TAOK1: variants seen among roughly 807,000 people sequenced by gnomAD.
TAOK1 encodes TAO kinase 1.
A neutral mutation model predicts 138.3 loss-of-function variants in TAOK1; 21 were observed. That is an observed-to-expected ratio of 0.15 (90% confidence interval 0.11 to 0.22). The LOEUF (loss-of-function observed/expected upper bound fraction) is 0.22. Ranked by LOEUF, TAOK1 falls within the 10% of genes least tolerant of loss-of-function variation. The probability of loss-of-function intolerance (pLI) is 1.00; values close to 1 mark genes in which losing one functional copy is unlikely to be tolerated. For synonymous variants in TAOK1, 361 were observed against 398.4 expected, an observed-to-expected ratio of 0.91 and a Z score of 1.12; for missense variants, 651 against 1,227.7, an observed-to-expected ratio of 0.53 and a Z score of 7.02.
chr17:29,533,273 T>G (rs1194960677), intron 18 of TAOK1, among the ~76,000 whole-genome samples: 1 of 129,224 alleles, frequency 7.7e-6, no homozygotes, highest in African/African-American at 3.0e-5. Context: ...CCTCACTTCC[T>G]AGATGGGATG....
chr17:29,439,919 G>T (rs1399312384), intron 1 of TAOK1, among the ~76,000 whole-genome samples: 1 of 149,366 alleles, frequency 6.7e-6, no homozygotes, highest in Non-Finnish European at 1.5e-5. Flanking sequence ...TAATATAATA[G>T]TGGGGAGTTA....
intron 2 of TAOK1, among the ~76,000 whole-genome samples, chr17:29,466,925 T>C (rs1345872065): frequency 1.3e-5 from 2 of 152,196 alleles, no homozygotes; most frequent in Admixed American, 6.5e-5. Context: ...GTTTATTTTC[T>C]TATTTTTTTA....
chr17:29,534,928 G>GGTGT (rs71138832), intron 19 of TAOK1, among the ~76,000 whole-genome samples: 1,714 of 147,298 alleles, frequency 0.012, 27 homozygotes, highest in East Asian at 0.068. Context: ...AGGATACTAA[G>GGTGT]GTGTGTGTGT....
chr17:29,429,341 C>T (rs1289310932), intron 1 of TAOK1, among the ~76,000 whole-genome samples: 2 of 151,840 alleles, frequency 1.3e-5, no homozygotes, highest in African/African-American at 2.4e-5. Flanking sequence ...GTCCCCCACA[C>T]TGGGGGACAC....
intron 3 of TAOK1, among the ~76,000 whole-genome samples, chr17:29,469,913 A>G (rs2030773729): frequency 6.6e-6 from 1 of 152,184 alleles, no homozygotes; most frequent in Admixed American, 6.5e-5. Context: ...TGTATCTTCC[A>G]CATTTTACAC....
chr17:29,461,662 C>A (rs538743290), intron 2 of TAOK1, among the ~76,000 whole-genome samples: 1 of 152,224 alleles, frequency 6.6e-6, no homozygotes, highest in East Asian at 1.9e-4. Flanking sequence ...CACTTCTGAT[C>A]TAAAGGAAGG....
chr17:29,461,535 AG>A (rs1390505227), intron 2 of TAOK1, among the ~76,000 whole-genome samples: 1 of 152,212 alleles, frequency 6.6e-6, no homozygotes, highest in Non-Finnish European at 1.5e-5. Flanking sequence ...GTTTTTGTTC[AG>A]CTCCTAAACT....
chr17:29,451,392 C>T, intron 1 of TAOK1, 63 bp from the exon 2 acceptor site: 4 of 794,810 alleles, frequency 5.0e-6, no homozygotes, highest in African/African-American at 1.7e-5. Context: ...AGTATATGAC[C>T]TTATACTAAT....
At chr17:29,434,580 A>G (rs115787482) in intron 1 of TAOK1, among the ~76,000 whole-genome samples, 1,997 of 152,158 alleles carry the variant, frequency 0.013, 44 homozygotes, top group African/African-American at 0.045. Flanking sequence ...AGTGGCTTGC[A>G]CCCATGAAAC....
At chr17:29,419,444 C>T (rs1030506940) in intron 1 of TAOK1, among the ~76,000 whole-genome samples, 1 of 152,076 alleles carries the variant, frequency 6.6e-6, no homozygotes. Context: ...GATCCACCCG[C>T]CTCGGCCTCC....
At chr17:29,406,241 A>G (rs1904987687) in intron 1 of TAOK1, among the ~76,000 whole-genome samples, 1 of 152,148 alleles carries the variant, frequency 6.6e-6, no homozygotes, top group Admixed American at 6.6e-5. Flanking sequence ...GTATTACCAA[A>G]TGTCCCCTAG....
At position 29,542,826 on chromosome 17, in the gene TAOK1, T is replaced by A; in HGVS notation, c.2810T>A (p.Met937Lys). Reference sequence around the variant, plus strand: ...CCACCACAAGCTTGGGGCCATCCAATGCAAGGTGGACCCCAGCCATGGGGT... The same window carrying A: ...CCACCACAAGCTTGGGGCCATCCAAAGCAAGGTGGACCCCAGCCATGGGGT... ...GGPPQAWGHP[M>K]QGGPQPWGHP... The change falls in exon 20 of 20, where the codon ATG becomes AAG. Residue 937 changes from methionine (M) to lysine (K), a missense_variant. Physicochemically the swap from Met to Lys is moderately conservative, Grantham distance 95. Coordinates refer to ENST00000261716, the MANE Select transcript of TAOK1 (RefSeq NM_020791.4). 1 of 1,614,154 alleles carries A rather than the reference T, an allele frequency of 6.2e-7. No homozygotes were observed. Among genetic ancestry groups the A allele is most frequent in the East Asian group, 2.2e-5 (1 of 44,878 alleles).
chr17:29,530,974 T>TTTTTTTTTTTG (rs2032092070), intron 18 of TAOK1, among the ~76,000 whole-genome samples: 2 of 137,122 alleles, frequency 1.5e-5, no homozygotes, highest in African/African-American at 5.6e-5. Flanking sequence ...TTTTTTTTTT[T>TTTTTTTTTTTG]TTTTTGAGAC....
chr17:29,510,981 C>A lies in TAOK1; in HGVS notation c.1693C>A (p.Gln565Lys), dbSNP rs1398510704. 3 of 1,602,164 alleles carry A rather than the reference C, an allele frequency of 1.9e-6. No individual in the cohort carries two copies. Among genetic ancestry groups the A allele is most frequent in the Admixed American group, 1.7e-5 (1 of 57,320 alleles). The change falls in exon 15 of 20, where the codon CAG becomes AAG. Residue 565 changes from glutamine (Q) to lysine (K), a missense_variant. Physicochemically the swap from Gln to Lys is moderately conservative, Grantham distance 53. This residue lies in a region of TAOK1 where 258 missense variants were observed against 548.9 expected (regional missense o/e 0.47). Transcript: ENST00000261716. ...QKREYKLRKE[Q>K]LKEELNENQS... ...AAGAGAGTATAAACTTCGAAAAGAG[C>A]AGCTTAAAGAGGTACTTATGTCATA...
intron 1 of TAOK1, among the ~76,000 whole-genome samples, chr17:29,404,394 T>C (rs1904934646): frequency 6.6e-6 from 1 of 152,036 alleles, no homozygotes; most frequent in Non-Finnish European, 1.5e-5. Flanking sequence ...ATTGCTGGAC[T>C]CAAGTGATCC....
intron 15 of TAOK1, 131 bp downstream of exon 15, chr17:29,511,123 A>C: frequency 1.4e-6 from 1 of 694,372 alleles, no homozygotes; most frequent in Non-Finnish European, 2.2e-6. Context: ...TATTAGTTTA[A>C]ATGATGACAT....
At chr17:29,527,705 C>A (rs575116130) in intron 17 of TAOK1, among the ~76,000 whole-genome samples, 1 of 152,272 alleles carries the variant, frequency 6.6e-6, no homozygotes, top group South Asian at 2.1e-4. Flanking sequence ...CAATACCTGG[C>A]AGTATTTATA....
intron 9 of TAOK1, among the ~76,000 whole-genome samples, chr17:29,490,396 C>A (rs2153027549): frequency 1.3e-5 from 2 of 152,116 alleles, no homozygotes; most frequent in African/African-American, 4.8e-5. Context: ...AAAATTAATT[C>A]CTCAGGTGTA....
intron 3 of TAOK1, among the ~76,000 whole-genome samples, chr17:29,469,568 T>C (rs898578421): frequency 2.8e-4 from 43 of 152,232 alleles, no homozygotes; most frequent in African/African-American, 9.9e-4. Flanking sequence ...ATTTGTCTGT[T>C]TGTGACTAGC....
Sources: gnomAD v4.1 joint callset for allele counts (sites outside exome capture counted in the v4.1 genomes callset) on GRCh38, gnomAD v4.1.1 for gene constraint, gnomAD v4.1.1 regional missense constraint, MANE v1.5 for transcripts, NCBI Gene and HGNC (gene_info 2026-07-23, HGNC 2026-07-21) for gene names.